The following PTPN14 variants were observed in gnomAD, a reference collection of about 807,000 sequenced individuals.
The protein encoded by PTPN14 is tyrosine-protein phosphatase non-receptor type 14.
In PTPN14, 53 loss-of-function variants were observed where a neutral mutation model predicts 126.8. That is an observed-to-expected ratio of 0.42 (90% CI 0.34 to 0.53). PTPN14 has a LOEUF of 0.53. PTPN14 is among the 20% of genes least tolerant of loss of function. The pLI is 0.08. For missense variants in PTPN14, 1,257 were observed against 1,552.9 expected (o/e 0.81, Z 3.20); for synonymous variants, 630 against 599.3 (o/e 1.05, Z -0.75).
chr1:214,538,530 A>T (rs2102480108), intron 1 of PTPN14, among the ~76,000 whole-genome samples: 1 of 152,350 alleles, frequency 6.6e-6, no homozygotes, highest in Middle Eastern at 3.4e-3. Context: ...TACTGAGCAA[A>T]TTAGCTTGAC....
rs1175381280 is a variant in PTPN14 at position 214,349,390 on chromosome 1, C to T, written c.*8532G>A. 2.6e-5 allele frequency: 4 copies of T among 152,146 alleles called. No homozygotes were observed. Among genetic ancestry groups the T allele is most frequent in the Admixed American group, 6.5e-5 (1 of 15,270 alleles). 9.4% of individuals were successfully genotyped at this position (152,146 alleles called of 1,614,324 possible). On this transcript the variant is annotated 3_prime_UTR_variant, in exon 19 of 19. Transcript: ENST00000366956. ...TGACGCAAGAACCTTAAGAACAAAC[C>T]GGTTTCTAAGTTGGGGACTTGTCTG...
chr1:214,550,061 T>C (rs533258230), intron 1 of PTPN14, among the ~76,000 whole-genome samples: 5 of 152,268 alleles, frequency 3.3e-5, no homozygotes, highest in Non-Finnish European at 7.4e-5. Flanking sequence ...CTAAGTGTAG[T>C]GCACCCTTCA....
Position 214,356,393 on chromosome 1 carries a change from C to T in PTPN14, c.*1529G>A, listed in dbSNP as rs748753691. 3.9e-5 allele frequency: 6 copies of T among 152,160 alleles called. No homozygotes were observed. The highest frequency in any genetic ancestry group is 2.1e-4 in the South Asian group (1 of 4,828). 9.4% of individuals were successfully genotyped at this position (152,160 alleles called of 1,614,324 possible). A position where few individuals can be genotyped will look rare whatever the true frequency, so the allele number is the denominator to read the frequency against. ...GGCATCAAATTAACTAGAAAGAGCACGCCTGTGACTTCCCATCACCACGTA... is the reference window on the plus strand; with the variant it reads ...GGCATCAAATTAACTAGAAAGAGCATGCCTGTGACTTCCCATCACCACGTA... On this transcript the variant is annotated 3_prime_UTR_variant, in exon 19 of 19. Coordinates refer to ENST00000366956, the MANE Select transcript of PTPN14 (RefSeq NM_005401.5).
At chr1:214,487,163 C>A (rs1661132398) in intron 1 of PTPN14, among the ~76,000 whole-genome samples, 1 of 152,094 alleles carries the variant, frequency 6.6e-6, no homozygotes, top group Admixed American at 6.5e-5. Context: ...AAAGCACAAT[C>A]CTAAAGTCAC....
At chr1:214,504,904 A>G (rs1484768042) in intron 1 of PTPN14, among the ~76,000 whole-genome samples, 1 of 152,196 alleles carries the variant, frequency 6.6e-6, no homozygotes, top group Non-Finnish European at 1.5e-5. Context: ...AAGAGGGTGA[A>G]GGAAAATGAG....
intron 7 of PTPN14, among the ~76,000 whole-genome samples, chr1:214,400,084 G>A (rs1044655277): frequency 2.6e-5 from 4 of 152,210 alleles, no homozygotes; most frequent in African/African-American, 9.6e-5. Flanking sequence ...AACCACTCAC[G>A]GAAAAGTTCA....
At chr1:214,389,588 G>A (rs1250403084) in intron 11 of PTPN14, among the ~76,000 whole-genome samples, 1 of 152,174 alleles carries the variant, frequency 6.6e-6, no homozygotes, top group Non-Finnish European at 1.5e-5. Context: ...AAAGGACAGG[G>A]GAAAGGGGGA....
At chr1:214,462,707 G>A (rs902984261) in intron 2 of PTPN14, among the ~76,000 whole-genome samples, 7 of 152,218 alleles carry the variant, frequency 4.6e-5, no homozygotes, top group East Asian at 1.9e-4. Flanking sequence ...GACCACATTT[G>A]ATATTAACTG....
At chr1:214,404,817 A>C (rs1659124323) in intron 5 of PTPN14, among the ~76,000 whole-genome samples, 1 of 152,174 alleles carries the variant, frequency 6.6e-6, no homozygotes, top group South Asian at 2.1e-4. Context: ...TAACAAATTC[A>C]ATTACTTCAT....
intron 2 of PTPN14, among the ~76,000 whole-genome samples, chr1:214,454,756 A>T (rs992923063): frequency 6.6e-6 from 1 of 152,222 alleles, no homozygotes; most frequent in African/African-American, 2.4e-5. Flanking sequence ...CACCTTCCAG[A>T]GGACACAGAA....
At chr1:214,395,565 G>T (rs1658857532) in intron 8 of PTPN14, among the ~76,000 whole-genome samples, 1 of 145,976 alleles carries the variant, frequency 6.9e-6, no homozygotes. Context: ...ACTCTCTAAT[G>T]TGCCTACACT....
intron 1 of PTPN14, chr1:214,532,200 T>A: frequency 2.7e-6 from 1 of 367,374 alleles, no homozygotes; most frequent in Admixed American, 3.1e-5. Flanking sequence ...ACAGCATGAG[T>A]TTCACCACTT....
intron 3 of PTPN14, among the ~76,000 whole-genome samples, chr1:214,448,232 T>C (rs1190026628): frequency 2.0e-5 from 3 of 152,058 alleles, no homozygotes; most frequent in Non-Finnish European, 4.4e-5. Flanking sequence ...AGGAGTACTA[T>C]TCATTTTCTC....
intron 3 of PTPN14, among the ~76,000 whole-genome samples, chr1:214,427,149 A>G (rs1322948638): frequency 6.6e-6 from 1 of 151,828 alleles, no homozygotes; most frequent in Non-Finnish European, 1.5e-5. Context: ...CATGGTGTGC[A>G]TGCCTATAGT....
chr1:214,463,589 GA>G (rs2102650477), intron 2 of PTPN14, among the ~76,000 whole-genome samples: 1 of 152,278 alleles, frequency 6.6e-6, no homozygotes, highest in Admixed American at 6.5e-5. Context: ...TTCAGAGCAG[GA>G]AAGGGGAGAG....
At chr1:214,467,583 A>C (rs1558116512) in intron 1 of PTPN14, among the ~76,000 whole-genome samples, 2 of 152,064 alleles carry the variant, frequency 1.3e-5, no homozygotes, top group Admixed American at 1.3e-4. Context: ...AAACACAAAG[A>C]GGAAAGAATG....
At chr1:214,473,007 G>A (rs1660795122) in intron 1 of PTPN14, among the ~76,000 whole-genome samples, 1 of 152,222 alleles carries the variant, frequency 6.6e-6, no homozygotes, top group Non-Finnish European at 1.5e-5. Context: ...TACATTGCAA[G>A]AGAACATACA....
intron 15 of PTPN14, among the ~76,000 whole-genome samples, chr1:214,373,204 G>A (rs1229884943): frequency 6.6e-6 from 1 of 152,088 alleles, no homozygotes; most frequent in African/African-American, 2.4e-5. Context: ...ACAGGCACTC[G>A]CCATCATGCC....
At chr1:214,550,766 G>A (rs1051003507) in intron 1 of PTPN14, among the ~76,000 whole-genome samples, 2 of 152,096 alleles carry the variant, frequency 1.3e-5, no homozygotes, top group African/African-American at 2.4e-5. Context: ...TGGGAGCGTC[G>A]GGCAGCTGCA....
Sources: gnomAD v4.1 joint callset for allele counts (sites outside exome capture counted in the v4.1 genomes callset) on GRCh38, gnomAD v4.1.1 for gene constraint, MANE v1.5 for transcripts, NCBI Gene and HGNC (gene_info 2026-07-23, HGNC 2026-07-21) for gene names.